The following UGGT2 variants were observed in gnomAD, a reference collection of about 807,000 sequenced individuals.
UGGT2 encodes UDP-glucose:glycoprotein glucosyltransferase 2.
A neutral mutation model predicts 192.1 loss-of-function variants in UGGT2; 180 were observed. The observed-to-expected ratio is 0.94, with a 90% CI of 0.83 to 1.06. UGGT2 has a LOEUF of 1.06. Among genes scored for constraint, UGGT2 ranks in the 50% least tolerant of loss-of-function variants. The pLI, the probability that UGGT2 is intolerant of heterozygous loss-of-function variation, is 0.00. For synonymous variants in UGGT2, 580 were observed against 591.0 expected, an observed-to-expected ratio of 0.98 and a Z score of 0.27; for missense variants, 1,849 against 1,795.7, an observed-to-expected ratio of 1.03 and a Z score of -0.54.
chr13:95,807,019 C>G (rs186704212), intron 38 of UGGT2, among the ~76,000 whole-genome samples: 19 of 152,150 alleles, frequency 1.2e-4, no homozygotes, highest in African/African-American at 4.3e-4. Flanking sequence ...GACACTAAAC[C>G]CCTGCACAGT....
chr13:95,905,817 T>C (rs1182812477), intron 20 of UGGT2, among the ~76,000 whole-genome samples: 1 of 152,224 alleles, frequency 6.6e-6, no homozygotes, highest in East Asian at 1.9e-4. Context: ...AAAGTATACA[T>C]TATCTTTAAG....
chr13:95,847,300 T>C lies in UGGT2; in HGVS notation c.4284+6243A>G, dbSNP rs542282306. On this transcript the variant is annotated intron_variant, in intron 36 of 38. Transcript: ENST00000376747. ...TTTGTTGCAATACATGAACCTACAT[T>C]CATGCATTATACTCATTCAAAGTCT... Among the ~76,000 whole-genome samples the C allele has an allele frequency of 3.3e-5, 5 of 152,284 alleles. No individual in the cohort carries two copies. The East Asian group carries it at 7.7e-4, about 24-fold the overall frequency.
chr13:96,023,853 A>C, intron 2 of UGGT2, 94 bp from the exon 3 acceptor site: 1 of 1,075,758 alleles, frequency 9.3e-7, no homozygotes, highest in East Asian at 2.8e-5. Flanking sequence ...ATGTCATATA[A>C]TCATATCTGA....
intron 36 of UGGT2, among the ~76,000 whole-genome samples, chr13:95,851,766 T>A (rs1353326214): frequency 6.6e-6 from 1 of 152,196 alleles, no homozygotes; most frequent in Non-Finnish European, 1.5e-5. Flanking sequence ...CCCCAAAATG[T>A]GGTAATGTAG....
intron 33 of UGGT2, among the ~76,000 whole-genome samples, chr13:95,857,383 T>C (rs1395590263): frequency 6.6e-6 from 1 of 152,126 alleles, no homozygotes; most frequent in African/African-American, 2.4e-5. Flanking sequence ...TTCATGAGGC[T>C]TGTATTTTAG....
At chr13:95,935,009 T>C (rs895815858) in intron 17 of UGGT2, among the ~76,000 whole-genome samples, 11 of 152,328 alleles carry the variant, frequency 7.2e-5, no homozygotes, top group African/African-American at 2.4e-4. Flanking sequence ...TAATTATCTA[T>C]TGTTGGTTTC....
chr13:95,854,247 A>G, intron 35 of UGGT2, 68 bp downstream of exon 35: 1 of 1,503,138 alleles, frequency 6.7e-7, no homozygotes, highest in Non-Finnish European at 8.9e-7. Flanking sequence ...GTAATTTTTA[A>G]GAAAACTGAA....
intron 6 of UGGT2, among the ~76,000 whole-genome samples, chr13:95,997,954 A>C (rs1444077990): frequency 6.6e-6 from 1 of 152,230 alleles, no homozygotes; most frequent in Non-Finnish European, 1.5e-5. Flanking sequence ...GGAGCCACTA[A>C]AGGATTTAAC....
At chr13:95,935,460 G>A (rs1867014973) in intron 17 of UGGT2, among the ~76,000 whole-genome samples, 1 of 152,134 alleles carries the variant, frequency 6.6e-6, no homozygotes, top group Non-Finnish European at 1.5e-5. Context: ...TTCTTGGTTG[G>A]AATTTCTTTT....
chr13:95,924,329 C>T (rs569158139), intron 20 of UGGT2, among the ~76,000 whole-genome samples: 14 of 148,252 alleles, frequency 9.4e-5, no homozygotes, highest in African/African-American at 2.7e-4. Flanking sequence ...CACCCAGAAC[C>T]GCTTGAGAAG....
At chr13:96,014,125 G>A (rs932689904) in intron 4 of UGGT2, among the ~76,000 whole-genome samples, 1 of 152,114 alleles carries the variant, frequency 6.6e-6, no homozygotes, top group African/African-American at 2.4e-5. Flanking sequence ...AAGATCAAAT[G>A]GAAAGCCAGA....
chr13:95,823,266 T>C (rs949412597), intron 38 of UGGT2, among the ~76,000 whole-genome samples: 2 of 152,148 alleles, frequency 1.3e-5, no homozygotes, highest in African/African-American at 4.8e-5. Context: ...GGGCAGAATG[T>C]TCTGTAAACT....
At chr13:95,924,529 C>T (rs927331663) in intron 20 of UGGT2, among the ~76,000 whole-genome samples, 15 of 148,080 alleles carry the variant, frequency 1.0e-4, no homozygotes, top group Admixed American at 3.5e-4. Context: ...TTATTCTTAA[C>T]GTGGTAGCTA....
At chr13:95,889,527 G>A (rs998165553) in intron 25 of UGGT2, among the ~76,000 whole-genome samples, 5 of 152,108 alleles carry the variant, frequency 3.3e-5, no homozygotes, top group Non-Finnish European at 2.9e-5. Context: ...ACTTTTGCCT[G>A]TTTCAAAAGT....
chr13:96,051,262 C>T (rs943437573), intron 1 of UGGT2, among the ~76,000 whole-genome samples: 1 of 152,134 alleles, frequency 6.6e-6, no homozygotes, highest in Non-Finnish European at 1.5e-5. Context: ...TGTTCTCACT[C>T]ATAGGTGGGA....
At chr13:95,878,676 A>G (rs1467951702) in intron 27 of UGGT2, among the ~76,000 whole-genome samples, 1 of 152,234 alleles carries the variant, frequency 6.6e-6, no homozygotes, top group Non-Finnish European at 1.5e-5. Context: ...GATTAAAGAC[A>G]GCAATGTTAC....
At position 95,976,589 on chromosome 13, in the gene UGGT2, A is replaced by AT. The variant is rs949148345; in HGVS notation, c.1093-3919dup. On this transcript the variant is annotated intron_variant, in intron 10 of 38. Transcript: ENST00000376747. ...CTCTGTATCCTTCCCAGAATCTGTT[A>AT]TTTTTTTTGTTTTAGAAAAAAGCCA... 9.2e-5 allele frequency among the ~76,000 whole-genome samples: 14 copies of AT among 151,776 alleles called. No homozygotes were observed. In the East Asian group the frequency reaches 9.6e-4, roughly 10 times the overall value.
chr13:95,895,536 T>C (rs1047623231), intron 22 of UGGT2, among the ~76,000 whole-genome samples: 3 of 151,950 alleles, frequency 2.0e-5, no homozygotes, highest in Non-Finnish European at 4.4e-5. Flanking sequence ...AGTGACAATA[T>C]AAAAAATTAG....
At chr13:95,853,274 G>A (rs984193167) in intron 36 of UGGT2, among the ~76,000 whole-genome samples, 2 of 152,030 alleles carry the variant, frequency 1.3e-5, no homozygotes, top group Admixed American at 6.6e-5. Flanking sequence ...CAGTGAGAAC[G>A]GACTAATACA....
Sources: gnomAD v4.1 joint callset for allele counts (sites outside exome capture counted in the v4.1 genomes callset) on GRCh38, gnomAD v4.1.1 for gene constraint, MANE v1.5 for transcripts, NCBI Gene and HGNC (gene_info 2026-07-23, HGNC 2026-07-21) for gene names.